Variants in EDIL3 observed in about 807,000 individuals in gnomAD.
The protein encoded by EDIL3 is EGF like and discoidin domains 3, also known as EGF-like repeat and discoidin I-like domain-containing protein 3.
EDIL3 carries 37 observed loss-of-function variants against 67.4 expected under a neutral mutation model. That is an observed-to-expected ratio of 0.55 (90% CI 0.42 to 0.72). The LOEUF (loss-of-function observed/expected upper bound fraction) is 0.72. EDIL3 is among the 30% of genes least tolerant of loss of function. The probability of loss-of-function intolerance (pLI) is 0.00; values close to 1 mark genes in which losing one functional copy is unlikely to be tolerated. For missense variants in EDIL3, 527 were observed against 586.3 expected, an observed-to-expected ratio of 0.90 and a Z score of 1.04; for synonymous variants, 195 against 196.3, an observed-to-expected ratio of 0.99 and a Z score of 0.05.
At chr5:84,232,113 G>A (rs145435078) in intron 2 of EDIL3, among the ~76,000 whole-genome samples, 80 of 152,202 alleles carry the variant, frequency 5.3e-4, no homozygotes, top group Middle Eastern at 3.4e-3. Flanking sequence ...TGCTGATTCC[G>A]TTTCTACTTA....
chr5:84,087,654 C>A (rs1561427316), intron 6 of EDIL3, among the ~76,000 whole-genome samples: 1 of 152,058 alleles, frequency 6.6e-6, no homozygotes, highest in Admixed American at 6.6e-5. Context: ...ACAAAGAGAG[C>A]CAACAAATAG....
At chr5:84,254,323 AAT>A (rs1266333190) in intron 1 of EDIL3, 111 bp from the exon 2 acceptor site, 33 of 1,239,076 alleles carry the variant, frequency 2.7e-5, no homozygotes, top group Non-Finnish European at 3.5e-5. Context: ...AAGTCAGGGT[AAT>A]ATTAAGATTC....
At chr5:84,093,272 G>A (rs1205787131) in intron 6 of EDIL3, among the ~76,000 whole-genome samples, 1 of 151,452 alleles carries the variant, frequency 6.6e-6, no homozygotes. Context: ...AAGGTGCCAT[G>A]GGAATAGACT....
intron 2 of EDIL3, among the ~76,000 whole-genome samples, chr5:84,238,970 C>A (rs980053047): frequency 3.3e-5 from 5 of 152,054 alleles, no homozygotes; most frequent in Non-Finnish European, 5.9e-5. Context: ...CTATTAATTT[C>A]TACCCTTCTA....
intron 9 of EDIL3, among the ~76,000 whole-genome samples, chr5:84,039,583 C>T (rs747593308): frequency 1.5e-4 from 23 of 152,068 alleles, no homozygotes; most frequent in Non-Finnish European, 2.8e-4. Context: ...GACCGAAAAT[C>T]ATCATTATAT....
At position 83,954,190 on chromosome 5, in the gene EDIL3, A is replaced by ATT. The variant is rs148147604; in HGVS notation, c.1293+9013_1293+9014dup. On this transcript the variant is annotated intron_variant, in intron 10 of 10. Coordinates refer to ENST00000296591, the MANE Select transcript of EDIL3 (RefSeq NM_005711.5). The stretch of plus-strand genomic sequence containing the variant: ...TCATGTAGAACTAAAGTCCTTGAGC[A>ATT]TTTTTTTTTATCATATAATAAACAA... Among the ~76,000 whole-genome samples, 14 of 150,764 alleles carry ATT rather than the reference A, an allele frequency of 9.3e-5. No individual in the cohort carries two copies. In the South Asian group the frequency reaches 1.9e-3, roughly 20 times the overall value.
chr5:84,130,455 C>T (rs1444625491), intron 5 of EDIL3, among the ~76,000 whole-genome samples: 3 of 152,090 alleles, frequency 2.0e-5, no homozygotes, highest in South Asian at 2.1e-4. Flanking sequence ...TAATTGAATA[C>T]ATTCACTATA....
At chr5:84,371,446 T>C (rs1229725941) in intron 1 of EDIL3, among the ~76,000 whole-genome samples, 1 of 87,084 alleles carries the variant, frequency 1.1e-5, no homozygotes, top group Non-Finnish European at 2.5e-5. Context: ...TATATATATA[T>C]ATATAGAGAG....
chr5:84,219,934 T>C (rs1231800687), intron 3 of EDIL3, among the ~76,000 whole-genome samples: 3 of 151,606 alleles, frequency 2.0e-5, no homozygotes, highest in South Asian at 2.1e-4. Context: ...AGTAGAATGA[T>C]GGTTACCAGA....
chr5:84,082,611 A>T (rs1445997737), intron 6 of EDIL3, among the ~76,000 whole-genome samples: 2 of 152,218 alleles, frequency 1.3e-5, no homozygotes, highest in East Asian at 3.8e-4. Context: ...AATATATACA[A>T]TCTTAAATTT....
chr5:83,957,384 A>G (rs1744532887), intron 10 of EDIL3, among the ~76,000 whole-genome samples: 2 of 151,828 alleles, frequency 1.3e-5, no homozygotes, highest in South Asian at 4.2e-4. Context: ...TTTCAAAAGA[A>G]CAGCATGAGT....
At chr5:84,199,092 C>T (rs916766510) in intron 3 of EDIL3, among the ~76,000 whole-genome samples, 2 of 151,902 alleles carry the variant, frequency 1.3e-5, no homozygotes, top group Non-Finnish European at 2.9e-5. Context: ...AGTATGAGCC[C>T]TTAAGAAAGA....
chr5:84,190,579 GTATATATATATATATA>G (rs138685119), intron 3 of EDIL3, among the ~76,000 whole-genome samples: 14 of 122,054 alleles, frequency 1.1e-4, no homozygotes, highest in Admixed American at 2.6e-4. Flanking sequence ...GTGTGTGTGT[GTATATATATATATATA>G]TATATATATA....
At chr5:84,356,748 C>A (rs1412577125) in intron 1 of EDIL3, among the ~76,000 whole-genome samples, 2 of 152,038 alleles carry the variant, frequency 1.3e-5, no homozygotes, top group Non-Finnish European at 2.9e-5. Flanking sequence ...AAATGCAGTG[C>A]TCTTATTTCT....
At chr5:84,330,949 G>C (rs1331625207) in intron 1 of EDIL3, among the ~76,000 whole-genome samples, 1 of 152,194 alleles carries the variant, frequency 6.6e-6, no homozygotes, top group Non-Finnish European at 1.5e-5. Flanking sequence ...CTTACCTCTT[G>C]CATCAATGTG....
intron 3 of EDIL3, among the ~76,000 whole-genome samples, chr5:84,181,965 C>T (rs914548620): frequency 3.3e-5 from 5 of 151,934 alleles, no homozygotes; most frequent in Non-Finnish European, 5.9e-5. Flanking sequence ...TTTGAGAGCC[C>T]TAGAGGATTT....
chr5:84,173,881 G>A (rs920177204), intron 4 of EDIL3, among the ~76,000 whole-genome samples: 1 of 152,188 alleles, frequency 6.6e-6, no homozygotes, highest in African/African-American at 2.4e-5. Context: ...TGCTATCTAT[G>A]CTGAGCATTG....
intron 3 of EDIL3, among the ~76,000 whole-genome samples, chr5:84,189,906 T>TA (rs1743542787): frequency 6.6e-6 from 1 of 151,996 alleles, no homozygotes; most frequent in South Asian, 2.1e-4. Context: ...TTTCAAAGAC[T>TA]AAGAAAACTA....
At position 84,190,567 on chromosome 5, in the gene EDIL3, GTGTGTGTGTGTGTA is replaced by G. The variant is rs1743560220; in HGVS notation, c.227-10060_227-10047del. On this transcript the variant is annotated intron_variant, in intron 3 of 10. Coordinates refer to ENST00000296591, the MANE Select transcript of EDIL3 (RefSeq NM_005711.5). ...TATATATATATGTGTGTGTGTGTGTGTGTGTGTGTGTGTATATATATATATATATATATATATAA... is the reference window on the plus strand; with the variant it reads ...TATATATATATGTGTGTGTGTGTGTGTATATATATATATATATATATATAA... Among the ~76,000 whole-genome samples the G allele has an allele frequency of 6.5e-5, 4 of 61,836 alleles. No individual in the cohort carries two copies. The South Asian group carries it at 1.9e-3, about 29-fold the overall frequency. 40.6% of individuals were successfully genotyped at this position (61,836 alleles called of 152,430 possible). A position where few individuals can be genotyped will look rare whatever the true frequency, so the allele number is the denominator to read the frequency against.
Sources: gnomAD v4.1 joint callset for allele counts (sites outside exome capture counted in the v4.1 genomes callset) on GRCh38, gnomAD v4.1.1 for gene constraint, MANE v1.5 for transcripts, NCBI Gene and HGNC (gene_info 2026-07-23, HGNC 2026-07-21) for gene names.